Variants in ZNF713 observed in about 807,000 individuals in gnomAD.
ZNF713 encodes zinc finger protein 713.
Under a neutral mutation model 28.7 loss-of-function variants are expected in ZNF713, and 21 were observed. The ratio of observed to expected loss-of-function variants is 0.73; its 90% CI spans 0.52 to 1.05. The LOEUF (loss-of-function observed/expected upper bound fraction) is 1.05. Among genes scored for constraint, ZNF713 ranks in the 50% least tolerant of loss-of-function variants. ZNF713 has a pLI of 0.00. For missense variants in ZNF713, 458 were observed against 532.4 expected, an observed-to-expected ratio of 0.86 and a Z score of 1.37; for synonymous variants, 167 against 178.0, an observed-to-expected ratio of 0.94 and a Z score of 0.49.
chr7:55,931,442 C>T (rs780771172), intron 6 of ZNF713, among the ~76,000 whole-genome samples: 9 of 152,174 alleles, frequency 5.9e-5, no homozygotes, highest in East Asian at 5.8e-4. Flanking sequence ...TATAAATTGA[C>T]GCATTTTTAA....
At chr7:55,892,464 A>G (rs1785399470) in intron 1 of ZNF713, among the ~76,000 whole-genome samples, 1 of 144,940 alleles carries the variant, frequency 6.9e-6, no homozygotes, top group African/African-American at 2.5e-5. Context: ...AACAAAACAC[A>G]GGTTAACAAG....
chr7:55,914,173 A>G (rs1374385557), intron 4 of ZNF713, among the ~76,000 whole-genome samples: 1 of 151,666 alleles, frequency 6.6e-6, no homozygotes, highest in Non-Finnish European at 1.5e-5. Flanking sequence ...ATGCACATTT[A>G]TATATTTTAA....
Position 55,936,623 on chromosome 7 carries a change from A to G in ZNF713, c.308-2359A>G, listed in dbSNP as rs988000829. On this transcript the variant is annotated intron_variant, in intron 6 of 6. Transcript: ENST00000429591. ...AATGCTGAAGCTGACCCACTCAGAA[A>G]GTCCAAGACCAGGAAGAGATGACTT... is the stretch of plus-strand genomic sequence containing the variant. Among the ~76,000 whole-genome samples the G allele has an allele frequency of 5.9e-5, 9 of 152,168 alleles. 1 individual carries two copies. The highest frequency in any genetic ancestry group is 1.3e-4 in the Non-Finnish European group (9 of 68,022).
At chr7:55,934,773 A>G (rs1387416162) in intron 6 of ZNF713, among the ~76,000 whole-genome samples, 1 of 152,128 alleles carries the variant, frequency 6.6e-6, no homozygotes, top group Admixed American at 6.6e-5. Flanking sequence ...CCAAAATGCT[A>G]AGATTACAAG....
chr7:55,937,774 G>A (rs1786381874), intron 6 of ZNF713, among the ~76,000 whole-genome samples: 1 of 152,060 alleles, frequency 6.6e-6, no homozygotes, highest in Non-Finnish European at 1.5e-5. Context: ...AGGCATGGTG[G>A]CACACACCTG....
chr7:55,889,227 G>A lies in ZNF713; in HGVS notation c.-583+1547G>A, dbSNP rs1189828400. The stretch of plus-strand genomic sequence containing the variant: ...AATGATTCTCCTGTCTCAGCTTCCC[G>A]ATTAGCTGGGATTACAGGCACATGC... On this transcript the variant is annotated intron_variant, in intron 1 of 6. Coordinates refer to ENST00000429591, the MANE Select transcript of ZNF713 (RefSeq NM_182633.3). Among the ~76,000 whole-genome samples, 4 of 151,314 alleles carry A rather than the reference G, an allele frequency of 2.6e-5. No individual in the cohort carries two copies. The South Asian group carries it at 6.2e-4, about 24-fold the overall frequency.
rs1786311197 is a variant in ZNF713 at position 55,934,799 on chromosome 7, C to T, written c.308-4183C>T. 2.6e-5 allele frequency among the ~76,000 whole-genome samples: 4 copies of T among 152,114 alleles called. No individual in the cohort carries two copies. The South Asian group carries it at 8.3e-4, about 31-fold the overall frequency. On this transcript the variant is annotated intron_variant, in intron 6 of 6. Transcript: ENST00000429591. ...AGATTACAAGTGTGAGCCACTGTGC[C>T]CAGCCATGGTAGAGCCTTTTAAGAG...
chr7:55,917,533 C>T (rs1012634442), intron 4 of ZNF713, among the ~76,000 whole-genome samples: 1 of 151,790 alleles, frequency 6.6e-6, no homozygotes, highest in African/African-American at 2.4e-5. Flanking sequence ...AACTTCATCT[C>T]TACCAAAAAT....
intron 6 of ZNF713, among the ~76,000 whole-genome samples, chr7:55,937,992 TCAGGAGTTTGA>T (rs1404489085): frequency 1.5e-4 from 23 of 151,984 alleles, no homozygotes; most frequent in African/African-American, 5.6e-4. Context: ...TCACCTGAGG[TCAGGAGTTTGA>T]GATCAGCCTG....
rs150103315 is a variant in ZNF713 at position 55,902,183 on chromosome 7, TC to T, written c.-582-4068del. On this transcript the variant is annotated intron_variant, in intron 1 of 6. Transcript: ENST00000429591. ...TCCAGCCTGGGTGACAGAGTGAGAC[TC>T]CATCTCCAAAAAATAAAAATAAAAT... Among the ~76,000 whole-genome samples, 1,311 of 152,160 alleles carry T rather than the reference TC, an allele frequency of 8.6e-3. 21 individuals are homozygous for T. Among genetic ancestry groups the T allele is most frequent in the African/African-American group, 0.03 (1,250 of 41,502 alleles).
chr7:55,923,678 A>G lies in ZNF713; in HGVS notation c.286A>G (p.Ser96Gly), dbSNP rs142861112. 88 of 1,612,144 alleles carry G rather than the reference A, an allele frequency of 5.5e-5. No homozygotes were observed. Among genetic ancestry groups the G allele is most frequent in the Non-Finnish European group, 7.1e-5 (84 of 1,179,076 alleles). ...GGAAGAATGGGTGATAGAAAGAGAC[A>G]GCCTGCTGGATACTCATCCAGGTAA... ...LEEEWVIERD[S>G]LLDTHPDGEN... Residue 96 changes from serine to glycine, a missense_variant, in exon 6 of 7, where the codon AGC becomes GGC. Ser to Gly is a moderately conservative substitution (Grantham distance 56). Transcript: ENST00000429591.
At chr7:55,898,098 C>T (rs150302508) in intron 1 of ZNF713, among the ~76,000 whole-genome samples, 1 of 152,166 alleles carries the variant, frequency 6.6e-6, no homozygotes, top group Non-Finnish European at 1.5e-5. Context: ...AATGGACAAT[C>T]AACTCAAAAT....
intron 6 of ZNF713, among the ~76,000 whole-genome samples, chr7:55,932,744 C>T (rs996839376): frequency 4.7e-5 from 7 of 148,168 alleles, no homozygotes; most frequent in Non-Finnish European, 7.4e-5. Context: ...ATTAGCCGGG[C>T]GCAGTGGCGG....
At chr7:55,891,123 A>G (rs1272500779) in intron 1 of ZNF713, among the ~76,000 whole-genome samples, 1 of 152,224 alleles carries the variant, frequency 6.6e-6, no homozygotes, top group African/African-American at 2.4e-5. Context: ...AAAAGTTACT[A>G]TTTGATTAGT....
chr7:55,915,576 T>C (rs80113028), intron 4 of ZNF713, among the ~76,000 whole-genome samples: 6,637 of 152,210 alleles, frequency 0.044, 170 homozygotes, highest in South Asian at 0.063. Flanking sequence ...GAAGTGAAAT[T>C]TAAGATGAGA....
intron 1 of ZNF713, among the ~76,000 whole-genome samples, chr7:55,895,294 TAGAG>T (rs943257017): frequency 2.0e-5 from 3 of 152,056 alleles, no homozygotes; most frequent in African/African-American, 7.2e-5. Flanking sequence ...ATTGATTAGA[TAGAG>T]AGCCTAAGGG....
chr7:55,890,744 A>C (rs1017943234), intron 1 of ZNF713, among the ~76,000 whole-genome samples: 1 of 151,830 alleles, frequency 6.6e-6, no homozygotes, highest in African/African-American at 2.4e-5. Context: ...GAGAGGCTGG[A>C]CGTGGTGGCT....
At position 55,904,116 on chromosome 7, in the gene ZNF713, A is replaced by G. The variant is rs567089554; in HGVS notation, c.-582-2137A>G. Among the ~76,000 whole-genome samples, 21 of 118,140 alleles carry G rather than the reference A, an allele frequency of 1.8e-4. 7 individuals are homozygous for G. The highest frequency in any genetic ancestry group is 5.9e-4 in the African/African-American group (20 of 33,696). The allele number at this position is 118,140 out of a possible 152,430, so 77.5% of individuals were successfully genotyped here. ...ACAGCTCCCTGAGAGAGACGGTGGA[A>G]GTAAAGCAAGAGTCACCAGTCACCA... On this transcript the variant is annotated intron_variant, in intron 1 of 6. Transcript: ENST00000429591.
At chr7:55,923,897 T>C in intron 6 of ZNF713, 198 bp downstream of exon 6, 1 of 404,988 alleles carries the variant, frequency 2.5e-6, no homozygotes, top group Non-Finnish European at 4.5e-6. Flanking sequence ...TAATATACAC[T>C]TATATTGTTT....
Sources: allele counts gnomAD v4.1 joint callset (sites outside exome capture counted in the v4.1 genomes callset), GRCh38; gene constraint gnomAD v4.1.1; transcripts MANE v1.5; gene names NCBI Gene and HGNC (gene_info 2026-07-23, HGNC 2026-07-21).